PCDHGB5: variants seen among roughly 807,000 people sequenced by gnomAD.
PCDHGB5 encodes protocadherin gamma subfamily B, 5, also known as protocadherin gamma-B5.
Under a neutral mutation model 62.9 loss-of-function variants are expected in PCDHGB5, and 48 were observed. The ratio of observed to expected loss-of-function variants is 0.76; its 90% CI spans 0.61 to 0.97. PCDHGB5 has a LOEUF of 0.97. PCDHGB5 is among the 50% of genes least tolerant of loss of function. PCDHGB5 has a pLI of 0.00. For missense variants in PCDHGB5, 1,118 were observed against 1,198.6 expected (o/e 0.93, Z 0.99); for synonymous variants, 474 against 511.2 (o/e 0.93, Z 0.98).
At chr5:141,462,980 G>T (rs1249102130) in intron 1 of PCDHGB5, among the ~76,000 whole-genome samples, 1 of 152,006 alleles carries the variant, frequency 6.6e-6, no homozygotes, top group Non-Finnish European at 1.5e-5. Flanking sequence ...AGTAACTTTT[G>T]CCTTGGGCTA....
At chr5:141,429,523 A>G (rs1009016050) in intron 1 of PCDHGB5, among the ~76,000 whole-genome samples, 1 of 152,174 alleles carries the variant, frequency 6.6e-6, no homozygotes, top group Non-Finnish European at 1.5e-5. Context: ...CAGAGAAAAA[A>G]GCTTAAAAAA....
At position 141,414,245 on chromosome 5, in the gene PCDHGB5, T is replaced by G. The variant is rs760119941; in HGVS notation, c.2397+13721T>G. On this transcript the variant is annotated intron_variant, in intron 1 of 3. Transcript: ENST00000617380. ...CCAGAGCTGACCATCACGTCTCTAT[T>G]TAGTCCAGTGACTGAAGATTCACCT... 49 of 1,613,380 alleles carry G rather than the reference T, an allele frequency of 3.0e-5. 1 individual carries two copies. The highest frequency in any genetic ancestry group is 1.3e-4 in the South Asian group (12 of 90,978).
chr5:141,488,497 C>T (rs1054409265), intron 1 of PCDHGB5, among the ~76,000 whole-genome samples: 3 of 152,204 alleles, frequency 2.0e-5, no homozygotes, highest in South Asian at 2.1e-4. Flanking sequence ...CTGTAACACT[C>T]ATTCCACATT....
At chr5:141,438,538 A>G (rs950527053) in intron 1 of PCDHGB5, among the ~76,000 whole-genome samples, 2 of 145,166 alleles carry the variant, frequency 1.4e-5, no homozygotes, top group African/African-American at 2.6e-5. Context: ...CTTTTCCTCT[A>G]TATCTAAGCC....
At chr5:141,501,402 G>A (rs527659990) in intron 2 of PCDHGB5, among the ~76,000 whole-genome samples, 5 of 151,740 alleles carry the variant, frequency 3.3e-5, no homozygotes, top group Non-Finnish European at 7.4e-5. Flanking sequence ...ACAGGCCACT[G>A]CTTGGAAAAT....
At position 141,401,132 on chromosome 5, in the gene PCDHGB5, A is replaced by G. The variant is rs534048041; in HGVS notation, c.2397+608A>G. Among the ~76,000 whole-genome samples, 4 of 152,344 alleles carry G rather than the reference A, an allele frequency of 2.6e-5. No homozygotes were observed. In the South Asian group the frequency reaches 8.3e-4, roughly 32 times the overall value. ...GCCGAGGCGGTTGGATCACATGGTCAGGAGTTCAAGACCAGCCTGGGCAAT... is the reference window on the plus strand; with the variant it reads ...GCCGAGGCGGTTGGATCACATGGTCGGGAGTTCAAGACCAGCCTGGGCAAT... On this transcript the variant is annotated intron_variant, in intron 1 of 3. Coordinates refer to ENST00000617380, the MANE Select transcript of PCDHGB5 (RefSeq NM_018925.3).
chr5:141,447,648 T>A (rs1262852729), intron 1 of PCDHGB5, among the ~76,000 whole-genome samples: 3 of 152,164 alleles, frequency 2.0e-5, no homozygotes, highest in African/African-American at 4.8e-5. Flanking sequence ...ATGGTAGAAT[T>A]TTCCCCCCCA....
At chr5:141,496,639 C>T (rs752903356) in intron 2 of PCDHGB5, among the ~76,000 whole-genome samples, 1 of 152,222 alleles carries the variant, frequency 6.6e-6, no homozygotes, top group Non-Finnish European at 1.5e-5. Context: ...TTGGGCTGCC[C>T]TTGCCCTTCC....
intron 1 of PCDHGB5, among the ~76,000 whole-genome samples, chr5:141,468,165 A>T (rs1249592462): frequency 1.3e-5 from 2 of 151,940 alleles, no homozygotes; most frequent in Non-Finnish European, 2.9e-5. Flanking sequence ...TCTCTGCTAA[A>T]AATAGAAAAA....
Position 141,399,584 on chromosome 5 carries a change from C to A in PCDHGB5, c.1457C>A (p.Ser486Tyr), listed in dbSNP as rs765946308. The A allele has an allele frequency of 2.1e-5, 34 of 1,613,904 alleles. No homozygotes were observed. Among genetic ancestry groups the A allele is most frequent in the Non-Finnish European group, 2.6e-5 (31 of 1,179,902 alleles). Residue 486 changes from serine (S) to tyrosine (Y), a missense_variant, in exon 1 of 4, where the codon TCT becomes TAT. This residue lies in a region of PCDHGB5 where 1,034 missense variants were observed against 1,029.1 expected (regional missense o/e 1.00). Coordinates refer to ENST00000617380, the MANE Select transcript of PCDHGB5 (RefSeq NM_018925.3). ...GGGTTGAACGGCCAAGTCTCCTACT[C>A]TATCATGGCCAGCGACCTAGAGCCT... Reference protein sequence around the residue: ...DLGLNGQVSYSIMASDLEPLA... With the variant: ...DLGLNGQVSYYIMASDLEPLA...
In PCDHGB5 at chr5:141,490,072, G is replaced by A; in HGVS notation, c.2398-4735G>A. On this transcript the variant is annotated intron_variant, in intron 1 of 3. Transcript: ENST00000617380. This position sits in a 1 kb window ranked among gnomAD's most constrained non-coding sequence, Gnocchi z 5.4. ...AGACGAGGGCACCAACGGCCAACTA[G>A]ACTATTCTTTTGGAGACCACACATC... is the stretch of plus-strand genomic sequence containing the variant. The A allele has an allele frequency of 6.2e-7, 1 of 1,614,254 alleles. No homozygotes were observed. The highest frequency in any genetic ancestry group is 8.5e-7 in the Non-Finnish European group (1 of 1,180,042).
In PCDHGB5 at chr5:141,511,580, G is replaced by A. The variant is rs1436011320; in HGVS notation, c.*407G>A. ...CTCTTTCCCGAGTAAGGTGGTTGGG[G>A]TGTTGAAGTACCAAGTAACCTACAA... On this transcript the variant is annotated 3_prime_UTR_variant, in exon 4 of 4. Coordinates refer to ENST00000617380, the MANE Select transcript of PCDHGB5 (RefSeq NM_018925.3). 2 of 282,206 alleles carry A rather than the reference G, an allele frequency of 7.1e-6. No individual in the cohort carries two copies. Among genetic ancestry groups the A allele is most frequent in the Admixed American group, 4.6e-5 (1 of 21,516 alleles). The allele number at this position is 282,206 out of a possible 1,614,324, so 17.5% of individuals were successfully genotyped here.
chr5:141,475,921 A>T, intron 1 of PCDHGB5: 1 of 604,938 alleles, frequency 1.7e-6, no homozygotes, highest in Non-Finnish European at 2.8e-6. Flanking sequence ...AAGACGCTGG[A>T]GATCGGGCCC....
At position 141,399,490 on chromosome 5, in the gene PCDHGB5, G is replaced by A. The variant is rs750081604; in HGVS notation, c.1363G>A (p.Val455Ile). 17 of 1,614,036 alleles carry A rather than the reference G, an allele frequency of 1.1e-5. No individual in the cohort carries two copies. Among genetic ancestry groups the A allele is most frequent in the Non-Finnish European group, 1.4e-5 (16 of 1,179,890 alleles). The change falls in exon 1 of 4, where the codon GTC becomes ATC. Residue 455 changes from valine to isoleucine, a missense_variant. Val to Ile is a conservative substitution (Grantham distance 29). Around this residue, in one of 2 missense-constraint regions of PCDHGB5, gnomAD observed 1,034 missense variants for 1,029.1 expected, o/e 1.00. Coordinates refer to ENST00000617380, the MANE Select transcript of PCDHGB5 (RefSeq NM_018925.3). ...GGTTTTCCACCAGGCGTCCTACTTA[G>A]TCAGTGTACCCGAAAACAACCCTCC... ...APVFHQASYL[V>I]SVPENNPPGA... is the part of the protein sequence containing the mutation.
In PCDHGB5 at chr5:141,511,007, G is replaced by C. The variant is rs780918754; in HGVS notation, c.2606G>C (p.Arg869Pro). Residue 869 changes from arginine to proline, a missense_variant, in exon 4 of 4, where the codon CGC (arginine) becomes CCC (proline). Physicochemically the swap from Arg to Pro is moderately radical, Grantham distance 103. Coordinates refer to ENST00000617380, the MANE Select transcript of PCDHGB5 (RefSeq NM_018925.3). Reference protein sequence around the residue: ...GGAGTMGLSARYGPQFTLQHV... With the variant: ...GGAGTMGLSAPYGPQFTLQHV... ...GCCGGCACCATGGGATTGAGCGCCC[G>C]CTACGGACCCCAGTTCACCCTGCAG... The C allele has an allele frequency of 1.9e-6, 3 of 1,614,042 alleles. No homozygotes were observed. The highest frequency in any genetic ancestry group is 2.7e-5 in the African/African-American group (2 of 74,910).
intron 1 of PCDHGB5, chr5:141,422,726 T>C: frequency 5.6e-6 from 9 of 1,605,994 alleles, no homozygotes; most frequent in African/African-American, 4.0e-5. Flanking sequence ...GTCCAGGGGG[T>C]GCCTCTGTCC....
intron 1 of PCDHGB5, chr5:141,415,377 C>A: frequency 1.2e-6 from 2 of 1,614,236 alleles, no homozygotes; most frequent in Non-Finnish European, 1.7e-6. Flanking sequence ...CTTCAGGAGG[C>A]GGCTTGACAG....
chr5:141,480,074 A>G (rs976924380), intron 1 of PCDHGB5, among the ~76,000 whole-genome samples: 5 of 152,196 alleles, frequency 3.3e-5, no homozygotes, highest in Non-Finnish European at 7.3e-5. Flanking sequence ...TATAAGATTC[A>G]TGCATGATAT....
At chr5:141,410,235 G>A (rs753193390) in intron 1 of PCDHGB5, 2 of 1,613,970 alleles carry the variant, frequency 1.2e-6, no homozygotes, top group South Asian at 1.1e-5. Context: ...CTCAGCGACC[G>A]CCCTGTACTC....
Sources: gnomAD v4.1 joint callset for allele counts (sites outside exome capture counted in the v4.1 genomes callset) on GRCh38, gnomAD v4.1.1 for gene constraint, gnomAD v4.1.1 regional missense constraint, Gnocchi (gnomAD v3.1) non-coding constraint, MANE v1.5 for transcripts, NCBI Gene and HGNC (gene_info 2026-07-23, HGNC 2026-07-21) for gene names.